The following NUTM2E variants were observed in gnomAD, a reference collection of about 807,000 sequenced individuals.
The protein encoded by NUTM2E is NUT family member 2E, also known as family with sequence similarity 22, member E.
NUTM2E carries 3 observed loss-of-function variants against 26.1 expected under a neutral mutation model. That is an observed-to-expected ratio of 0.12 (90% CI 0.05 to 0.30). The LOEUF (loss-of-function observed/expected upper bound fraction) is 0.30. Ranked by LOEUF, NUTM2E falls within the 10% of genes least tolerant of loss-of-function variation. The pLI, the probability that NUTM2E is intolerant of heterozygous loss-of-function variation, is 1.00. For synonymous variants in NUTM2E, 13 were observed against 157.5 expected (o/e 0.08, Z 6.87); for missense variants, 62 against 381.3 (o/e 0.16, Z 6.97).
rs568995947 is a variant in NUTM2E at position 79,845,541 on chromosome 10, C to T, written c.1082+669C>T. Among the ~76,000 whole-genome samples the T allele has an allele frequency of 1.7e-3, 188 of 107,718 alleles. 2 individuals are homozygous for T. The highest frequency in any genetic ancestry group is 4.1e-3 in the South Asian group (16 of 3,942). The allele number at this position is 107,718 out of a possible 152,430, so 70.7% of individuals were successfully genotyped here. ...CATGCTATGATACATTACATGACAG[C>T]AGTTACGATTACTGTCCCCATTACT... On this transcript the variant is annotated intron_variant, in intron 5 of 9. Transcript: ENST00000429984.
In NUTM2E at chr10:79,830,049, A is replaced by G. The variant is rs1228612395; in HGVS notation, c.-2728+2692A>G. Reference sequence around the variant, plus strand: ...CTTTTAAAATAATAATGATATATTTATAATCATCCTAGTATGATTTATTTA... The same window carrying G: ...CTTTTAAAATAATAATGATATATTTGTAATCATCCTAGTATGATTTATTTA... On this transcript the variant is annotated intron_variant, in intron 1 of 9. Transcript: ENST00000429984. Among the ~76,000 whole-genome samples the G allele has an allele frequency of 1.3e-5, 2 of 151,816 alleles. 1 individual carries two copies. Among genetic ancestry groups the G allele is most frequent in the Admixed American group, 1.3e-4 (2 of 15,180 alleles).
intron 1 of NUTM2E, among the ~76,000 whole-genome samples, chr10:79,827,931 T>A (rs1355895978): frequency 6.6e-6 from 1 of 151,160 alleles, no homozygotes; most frequent in Non-Finnish European, 1.5e-5. Context: ...GTAGCTGGGA[T>A]TACAGGCATG....
At chr10:79,833,729 G>A (rs1841943106) in intron 1 of NUTM2E, among the ~76,000 whole-genome samples, 1 of 151,892 alleles carries the variant, frequency 6.6e-6, no homozygotes, top group South Asian at 2.1e-4. Flanking sequence ...CGGAGAGGAT[G>A]TGAAGAAACA....
intron 1 of NUTM2E, among the ~76,000 whole-genome samples, chr10:79,833,529 C>T (rs182217128): frequency 6.6e-6 from 1 of 151,676 alleles, no homozygotes; most frequent in African/African-American, 2.4e-5. Flanking sequence ...AAAAACAACC[C>T]CATCAAAAAG....
At chr10:79,827,614 AATTT>A (rs1457929463) in intron 1 of NUTM2E, 1 of 150,974 alleles carries the variant, frequency 6.6e-6, no homozygotes, top group African/African-American at 2.4e-5. Flanking sequence ...ACATCATCTT[AATTT>A]GAGTCCTTAT....
intron 1 of NUTM2E, chr10:79,827,600 ATATACATCATCTTAATTTGAG>A (rs1385573573): frequency 6.6e-6 from 1 of 150,984 alleles, no homozygotes; most frequent in Non-Finnish European, 1.5e-5. Flanking sequence ...GAGTGTAAAC[ATATACATCATCTTAATTTGAG>A]TCCTTATGTG....
Position 79,838,884 on chromosome 10 carries a change from A to T in NUTM2E, c.-2345A>T, listed in dbSNP as rs1215734226. Reference sequence around the variant, plus strand: ...ATCAACCGCCGCAACTGGCGCTGGGAGCGGTTGAGGGCGGCCGGCCTCGCG... The same window carrying T: ...ATCAACCGCCGCAACTGGCGCTGGGTGCGGTTGAGGGCGGCCGGCCTCGCG... On this transcript the variant is annotated 5_prime_UTR_variant, in exon 3 of 10. Transcript: ENST00000429984. Among the ~76,000 whole-genome samples, 176 of 149,470 alleles carry T rather than the reference A, an allele frequency of 1.2e-3. 2 individuals are homozygous for T. The highest frequency in any genetic ancestry group is 4.2e-3 in the African/African-American group (170 of 40,686).
At chr10:79,828,523 T>A (rs3117692) in intron 1 of NUTM2E, among the ~76,000 whole-genome samples, 2 of 151,840 alleles carry the variant, frequency 1.3e-5, no homozygotes, top group African/African-American at 2.4e-5. Flanking sequence ...GTAGAAAAAA[T>A]TTTTGCCCTT....
chr10:79,832,219 T>C (rs901257020), intron 1 of NUTM2E, among the ~76,000 whole-genome samples: 1 of 151,806 alleles, frequency 6.6e-6, no homozygotes, highest in African/African-American at 2.4e-5. Flanking sequence ...ACCATTTTTC[T>C]CACTTAAATA....
chr10:79,829,070 A>G (rs73306831), intron 1 of NUTM2E, among the ~76,000 whole-genome samples: 7,794 of 151,924 alleles, frequency 0.051, 560 homozygotes, highest in East Asian at 0.22. Flanking sequence ...ATCAAGCTCT[A>G]TTCTCAAACT....
At chr10:79,828,491 C>A (rs1287517987) in intron 1 of NUTM2E, among the ~76,000 whole-genome samples, 1 of 151,866 alleles carries the variant, frequency 6.6e-6, no homozygotes, top group Non-Finnish European at 1.5e-5. Flanking sequence ...TTCTGTCACA[C>A]TCTATATTTT....
In NUTM2E at chr10:79,840,883, C is replaced by T. The variant is rs1841994577; in HGVS notation, c.-858C>T. Among the ~76,000 whole-genome samples, 1 of 138,276 alleles carries T rather than the reference C, an allele frequency of 7.2e-6. No homozygotes were observed. The allele number at this position is 138,276 out of a possible 152,430, so 90.7% of individuals were successfully genotyped here. On this transcript the variant is annotated 5_prime_UTR_variant, in exon 4 of 10. Coordinates refer to ENST00000429984, the MANE Select transcript of NUTM2E (RefSeq NM_001355263.2). ...TGCTGTGCTCTGAGTTCTCACTCCT[C>T]ATCTCCTTTGACCAGTTTCTTCTAA...
intron 1 of NUTM2E, among the ~76,000 whole-genome samples, chr10:79,832,096 C>T (rs1362271912): frequency 5.3e-5 from 8 of 152,222 alleles, no homozygotes; most frequent in African/African-American, 1.9e-4. Context: ...AATTACTTCC[C>T]AAGGGCCCAC....
intron 5 of NUTM2E, among the ~76,000 whole-genome samples, chr10:79,845,406 C>A (rs1842017950): frequency 8.9e-6 from 1 of 112,846 alleles, no homozygotes; most frequent in Non-Finnish European, 2.3e-5. Flanking sequence ...CAGGTATTTG[C>A]ATCTTCACCC....
intron 1 of NUTM2E, among the ~76,000 whole-genome samples, chr10:79,837,026 G>A (rs1186519169): frequency 6.6e-6 from 1 of 151,848 alleles, no homozygotes; most frequent in Non-Finnish European, 1.5e-5. Context: ...ACATTCATCT[G>A]TAAATAAGAA....
chr10:79,827,984 G>A (rs1440955587), intron 1 of NUTM2E, among the ~76,000 whole-genome samples: 1 of 151,338 alleles, frequency 6.6e-6, no homozygotes, highest in Non-Finnish European at 1.5e-5. Flanking sequence ...TATTAGAGAC[G>A]GGGTTTCTCC....
chr10:79,829,216 T>C (rs1841911087), intron 1 of NUTM2E, among the ~76,000 whole-genome samples: 1 of 151,646 alleles, frequency 6.6e-6, no homozygotes, highest in Non-Finnish European at 1.5e-5. Flanking sequence ...AGGGGTGATA[T>C]ACTACAGTTC....
intron 1 of NUTM2E, among the ~76,000 whole-genome samples, chr10:79,836,730 C>T (rs368014983): frequency 8.6e-5 from 13 of 151,882 alleles, no homozygotes; most frequent in Non-Finnish European, 1.5e-4. Context: ...TAATCTATTA[C>T]GTTTTGAGTA....
chr10:79,845,288 C>G (rs1156810246), intron 5 of NUTM2E, among the ~76,000 whole-genome samples: 2 of 113,368 alleles, frequency 1.8e-5, no homozygotes, highest in East Asian at 4.3e-4. Flanking sequence ...CAGGGCCCAG[C>G]AGGAACCTGG....
Sources: gnomAD v4.1 joint callset for allele counts (sites outside exome capture counted in the v4.1 genomes callset) on GRCh38, gnomAD v4.1.1 for gene constraint, MANE v1.5 for transcripts, NCBI Gene and HGNC (gene_info 2026-07-23, HGNC 2026-07-21) for gene names.